Variants in TAFA1 observed in about 807,000 individuals in gnomAD.
TAFA1 encodes TAFA chemokine like family member 1.
TAFA1 carries 4 observed loss-of-function variants against 18.5 expected under a neutral mutation model. The observed-to-expected ratio is 0.22, with a 90% CI of 0.11 to 0.49. The LOEUF (loss-of-function observed/expected upper bound fraction) is 0.49, where lower values mean the gene tolerates loss of function less well. Ranked by LOEUF, TAFA1 falls within the 20% of genes least tolerant of loss-of-function variation. The pLI, the probability that TAFA1 is intolerant of heterozygous loss-of-function variation, is 0.98. For missense variants in TAFA1, 147 were observed against 169.0 expected (o/e 0.87, Z 0.72); for synonymous variants, 56 against 55.2 (o/e 1.01, Z -0.06).
chr3:68,336,499 G>C (rs766922022), intron 2 of TAFA1, among the ~76,000 whole-genome samples: 1 of 152,220 alleles, frequency 6.6e-6, no homozygotes, highest in Non-Finnish European at 1.5e-5. Context: ...CATCAGATCT[G>C]TGAGAAAACA....
chr3:68,227,482 C>A (rs1418906069), intron 2 of TAFA1, among the ~76,000 whole-genome samples: 1 of 152,184 alleles, frequency 6.6e-6, no homozygotes, highest in Non-Finnish European at 1.5e-5. Context: ...AAGTTGGTGA[C>A]ATCCTATGTC....
intron 2 of TAFA1, among the ~76,000 whole-genome samples, chr3:68,401,294 GTTC>G (rs2070484444): frequency 6.6e-6 from 1 of 152,128 alleles, no homozygotes; most frequent in African/African-American, 2.4e-5. Context: ...CATTTACAGA[GTTC>G]TTCTTGTAAC....
chr3:68,377,693 AT>A (rs1391719008), intron 2 of TAFA1, among the ~76,000 whole-genome samples: 2 of 152,188 alleles, frequency 1.3e-5, no homozygotes, highest in Non-Finnish European at 2.9e-5. Context: ...TCTTAGCAGT[AT>A]CCCCTCCCAT....
At chr3:68,220,327 A>C (rs998346910) in intron 2 of TAFA1, among the ~76,000 whole-genome samples, 3 of 152,152 alleles carry the variant, frequency 2.0e-5, no homozygotes, top group African/African-American at 7.2e-5. Flanking sequence ...TTAGATGAGA[A>C]AGTGATTAAT....
intron 2 of TAFA1, among the ~76,000 whole-genome samples, chr3:68,058,502 A>T (rs1281251866): frequency 6.6e-6 from 1 of 152,162 alleles, no homozygotes; most frequent in Non-Finnish European, 1.5e-5. Flanking sequence ...CATTTCCCAG[A>T]TAGACACATA....
At chr3:68,236,541 T>G (rs2066929257) in intron 2 of TAFA1, among the ~76,000 whole-genome samples, 1 of 152,160 alleles carries the variant, frequency 6.6e-6, no homozygotes, top group Non-Finnish European at 1.5e-5. Context: ...GAACTGAACC[T>G]ATTCAGGAGA....
In TAFA1 at chr3:68,487,170, A is replaced by T. The variant is rs1029974363; in HGVS notation, c.260-51586A>T. 3.9e-5 allele frequency among the ~76,000 whole-genome samples: 6 copies of T among 152,346 alleles called. No individual in the cohort carries two copies. In the South Asian group the frequency reaches 6.2e-4, roughly 16 times the overall value. ...GTCAATTGTCTAGAAATGTGACTTA[A>T]TCCAAAATATTATAATGTCAGGGAA... On this transcript the variant is annotated intron_variant, in intron 3 of 4. Coordinates refer to ENST00000478136, the MANE Select transcript of TAFA1 (RefSeq NM_213609.4).
At chr3:68,264,328 A>T (rs2067497867) in intron 2 of TAFA1, among the ~76,000 whole-genome samples, 1 of 152,198 alleles carries the variant, frequency 6.6e-6, no homozygotes, top group Non-Finnish European at 1.5e-5. Flanking sequence ...TCGTTTGTGG[A>T]GATGGCAAAT....
intron 2 of TAFA1, among the ~76,000 whole-genome samples, chr3:68,354,609 G>A (rs2069329972): frequency 6.6e-6 from 1 of 151,954 alleles, no homozygotes; most frequent in Non-Finnish European, 1.5e-5. Context: ...AACTGACTTA[G>A]TTCATTCATG....
chr3:68,220,045 T>C (rs796571338), intron 2 of TAFA1, among the ~76,000 whole-genome samples: 1 of 152,172 alleles, frequency 6.6e-6, no homozygotes, highest in African/African-American at 2.4e-5. Context: ...GATAAATTGG[T>C]TTATAAGCTT....
chr3:68,388,637 G>C (rs1180805049), intron 2 of TAFA1, among the ~76,000 whole-genome samples: 1 of 152,026 alleles, frequency 6.6e-6, no homozygotes, highest in Non-Finnish European at 1.5e-5. Flanking sequence ...GTTAGATGGA[G>C]TGCTAACAGG....
At chr3:68,040,560 AATG>A (rs2106676394) in intron 2 of TAFA1, among the ~76,000 whole-genome samples, 1 of 143,604 alleles carries the variant, frequency 7.0e-6, no homozygotes, top group South Asian at 2.2e-4. Context: ...TGGTGGGACT[AATG>A]ATCTACACTT....
intron 2 of TAFA1, among the ~76,000 whole-genome samples, chr3:68,161,671 C>T (rs184019072): frequency 6.6e-6 from 1 of 152,266 alleles, no homozygotes; most frequent in Admixed American, 6.5e-5. Flanking sequence ...AGTGAGAAAA[C>T]TAGACAAGCA....
chr3:68,361,489 A>G (rs574566159), intron 2 of TAFA1, among the ~76,000 whole-genome samples: 1 of 152,112 alleles, frequency 6.6e-6, no homozygotes, highest in East Asian at 1.9e-4. Flanking sequence ...ACAAGAGAGG[A>G]CTTGAAGTGT....
intron 4 of TAFA1, 33 bp from the exon 5 acceptor site, chr3:68,544,453 C>G (rs2073424307): frequency 6.2e-7 from 1 of 1,610,546 alleles, no homozygotes; most frequent in Non-Finnish European, 8.5e-7. Flanking sequence ...TTGCACTGTT[C>G]TCCCTGAAAT....
At chr3:68,043,455 A>T (rs1284425743) in intron 2 of TAFA1, among the ~76,000 whole-genome samples, 3 of 152,236 alleles carry the variant, frequency 2.0e-5, no homozygotes, top group Admixed American at 2.0e-4. Context: ...TAATTGAAAG[A>T]TTAACTTGCT....
intron 3 of TAFA1, among the ~76,000 whole-genome samples, chr3:68,438,059 G>A (rs541688436): frequency 3.7e-4 from 56 of 152,246 alleles, no homozygotes; most frequent in Middle Eastern, 3.4e-3. Context: ...CAGACATTAA[G>A]TAATAAGACT....
At chr3:68,366,367 T>C (rs904421126) in intron 2 of TAFA1, among the ~76,000 whole-genome samples, 2 of 152,198 alleles carry the variant, frequency 1.3e-5, no homozygotes, top group African/African-American at 4.8e-5. Flanking sequence ...GCTTGAAATC[T>C]TGACTTTCAG....
chr3:68,061,968 T>C (rs1360688088), intron 2 of TAFA1, among the ~76,000 whole-genome samples: 1 of 151,418 alleles, frequency 6.6e-6, no homozygotes, highest in Admixed American at 6.6e-5. Context: ...TCAAACGATA[T>C]GGTTTTTGTT....
Sources: allele counts gnomAD v4.1 joint callset (sites outside exome capture counted in the v4.1 genomes callset), GRCh38; gene constraint gnomAD v4.1.1; transcripts MANE v1.5; gene names NCBI Gene and HGNC (gene_info 2026-07-23, HGNC 2026-07-21).